MACROD2: variants seen among roughly 807,000 people sequenced by gnomAD.
MACROD2 encodes ADP-ribose glycohydrolase MACROD2.
A neutral mutation model predicts 70.4 loss-of-function variants in MACROD2; 36 were observed. The observed-to-expected ratio is 0.51, with a 90% confidence interval of 0.39 to 0.68. The LOEUF is 0.68. Among genes scored for constraint, MACROD2 ranks in the 30% least tolerant of loss-of-function variants. MACROD2 has a pLI of 0.00. For missense variants in MACROD2, 496 were observed against 538.4 expected (o/e 0.92, Z 0.78); for synonymous variants, 172 against 178.8 (o/e 0.96, Z 0.30).
chr20:14,051,589 A>G (rs182534213), intron 2 of MACROD2, among the ~76,000 whole-genome samples: 2 of 152,318 alleles, frequency 1.3e-5, no homozygotes, highest in Admixed American at 1.3e-4. Flanking sequence ...TAAAGTAAGG[A>G]TATCTTTAAA....
intron 5 of MACROD2, among the ~76,000 whole-genome samples, chr20:14,709,392 C>A (rs2071310553): frequency 6.6e-6 from 1 of 152,082 alleles, no homozygotes; most frequent in South Asian, 2.1e-4. Context: ...CACACATATA[C>A]AAACACACAC....
intron 8 of MACROD2, among the ~76,000 whole-genome samples, chr20:15,532,045 G>A (rs1307907734): frequency 6.6e-6 from 1 of 152,028 alleles, no homozygotes; most frequent in Non-Finnish European, 1.5e-5. Flanking sequence ...AGACTGGAGT[G>A]AATTTAGTTC....
At chr20:15,121,527 A>AG (rs956395322) in intron 5 of MACROD2, among the ~76,000 whole-genome samples, 4 of 151,224 alleles carry the variant, frequency 2.6e-5, no homozygotes, top group South Asian at 2.1e-4. Context: ...AAAAAAAAAA[A>AG]AAAGAAAAAA....
chr20:14,029,903 A>G (rs1454065522), intron 2 of MACROD2, among the ~76,000 whole-genome samples: 1 of 152,244 alleles, frequency 6.6e-6, no homozygotes, highest in Non-Finnish European at 1.5e-5. Flanking sequence ...AAGACAGGCA[A>G]CTAAATGCAA....
At chr20:15,879,738 A>T (rs989258877) in intron 9 of MACROD2, among the ~76,000 whole-genome samples, 1 of 152,084 alleles carries the variant, frequency 6.6e-6, no homozygotes, top group Non-Finnish European at 1.5e-5. Flanking sequence ...ATCATAGCAA[A>T]TGGCCCATAT....
intron 5 of MACROD2, among the ~76,000 whole-genome samples, chr20:14,705,268 C>T (rs1020072333): frequency 6.6e-6 from 1 of 152,032 alleles, no homozygotes; most frequent in Non-Finnish European, 1.5e-5. Flanking sequence ...CATTCATGTT[C>T]GTACTTTTTA....
At chr20:14,915,680 G>A (rs953049813) in intron 5 of MACROD2, among the ~76,000 whole-genome samples, 4 of 152,228 alleles carry the variant, frequency 2.6e-5, no homozygotes, top group Admixed American at 2.0e-4. Context: ...ACAGCAAGCA[G>A]TCTGCAGCAA....
intron 8 of MACROD2, among the ~76,000 whole-genome samples, chr20:15,817,929 T>C (rs770293425): frequency 6.6e-6 from 1 of 152,220 alleles, no homozygotes; most frequent in African/African-American, 2.4e-5. Flanking sequence ...AGTTACCTAC[T>C]GGACCACTTC....
At chr20:14,972,909 A>C (rs1334282164) in intron 5 of MACROD2, among the ~76,000 whole-genome samples, 1 of 152,242 alleles carries the variant, frequency 6.6e-6, no homozygotes, top group Non-Finnish European at 1.5e-5. Flanking sequence ...AAACAGCCAG[A>C]AACTCGCTGT....
intron 8 of MACROD2, among the ~76,000 whole-genome samples, chr20:15,554,187 A>G (rs2048135205): frequency 6.6e-6 from 1 of 152,196 alleles, no homozygotes; most frequent in Non-Finnish European, 1.5e-5. Flanking sequence ...ATAGAGAGAG[A>G]CAGTGCTAAT....
At chr20:14,871,063 TA>T (rs1398517678) in intron 5 of MACROD2, among the ~76,000 whole-genome samples, 3 of 152,038 alleles carry the variant, frequency 2.0e-5, no homozygotes, top group Non-Finnish European at 2.9e-5. Context: ...TTGAAAGAGA[TA>T]GGGGGAATGG....
At chr20:15,379,724 A>T (rs978158487) in intron 6 of MACROD2, among the ~76,000 whole-genome samples, 25 of 152,114 alleles carry the variant, frequency 1.6e-4, no homozygotes, top group Admixed American at 3.9e-4. Flanking sequence ...TATTGAATTT[A>T]TGTAAGAGAG....
At chr20:15,093,348 T>C (rs948025328) in intron 5 of MACROD2, among the ~76,000 whole-genome samples, 1 of 152,186 alleles carries the variant, frequency 6.6e-6, no homozygotes, top group Non-Finnish European at 1.5e-5. Flanking sequence ...CCACTAATGA[T>C]TGGTGGGCCG....
intron 15 of MACROD2, among the ~76,000 whole-genome samples, chr20:16,017,632 C>T (rs2066946931): frequency 6.6e-6 from 1 of 152,154 alleles, no homozygotes; most frequent in Admixed American, 6.5e-5. Context: ...CTTGAATAAG[C>T]CAAGCCTTTG....
intron 10 of MACROD2, among the ~76,000 whole-genome samples, chr20:15,915,727 CAA>C (rs1489602384): frequency 6.6e-6 from 1 of 151,890 alleles, no homozygotes; most frequent in Non-Finnish European, 1.5e-5. Context: ...AGTGGTGTCT[CAA>C]AGAGCACAAG....
At chr20:14,408,748 G>A (rs536977558) in intron 3 of MACROD2, among the ~76,000 whole-genome samples, 5 of 152,282 alleles carry the variant, frequency 3.3e-5, no homozygotes, top group African/African-American at 1.2e-4. Flanking sequence ...CTTACTCTTT[G>A]TGTGGAATCG....
At chr20:14,145,087 T>G (rs1243004836) in intron 3 of MACROD2, among the ~76,000 whole-genome samples, 2 of 152,168 alleles carry the variant, frequency 1.3e-5, no homozygotes, top group Non-Finnish European at 2.9e-5. Context: ...TAACCATGAG[T>G]GCCTTCTCCC....
At chr20:14,375,307 A>AAT (rs1232011674) in intron 3 of MACROD2, among the ~76,000 whole-genome samples, 1 of 152,142 alleles carries the variant, frequency 6.6e-6, no homozygotes, top group South Asian at 2.1e-4. Flanking sequence ...TTTACTATAG[A>AAT]ATATATATAT....
At chr20:14,001,379 C>T (rs906472132) in intron 1 of MACROD2, among the ~76,000 whole-genome samples, 1 of 151,646 alleles carries the variant, frequency 6.6e-6, no homozygotes, top group African/African-American at 2.4e-5. Context: ...TTCATTTTAT[C>T]GTCAAGATAT....
Sources: allele counts gnomAD v4.1 joint callset (sites outside exome capture counted in the v4.1 genomes callset), GRCh38; gene constraint gnomAD v4.1.1; transcripts MANE v1.5; gene names NCBI Gene and HGNC (gene_info 2026-07-23, HGNC 2026-07-21).